Variants in ACTR2 observed in about 807,000 individuals in gnomAD.
ACTR2 encodes actin-related protein 2.
A neutral mutation model predicts 50.2 loss-of-function variants in ACTR2; 5 were observed. The ratio of observed to expected loss-of-function variants is 0.10; its 90% CI spans 0.05 to 0.21. The LOEUF is 0.21. Among genes scored for constraint, ACTR2 ranks in the 10% least tolerant of loss-of-function variants. ACTR2 has a pLI of 1.00. For missense variants in ACTR2, 180 were observed against 480.6 expected, an observed-to-expected ratio of 0.37 and a Z score of 5.85; for synonymous variants, 140 against 162.9, an observed-to-expected ratio of 0.86 and a Z score of 1.07.
At chr2:65,261,553 G>T (rs149628779) in intron 7 of ACTR2, among the ~76,000 whole-genome samples, 161 bp downstream of exon 7, 255 of 152,296 alleles carry the variant, frequency 1.7e-3, no homozygotes, top group African/African-American at 5.7e-3. Flanking sequence ...GAAAAATGCA[G>T]AAAACTTATC....
intron 1 of ACTR2, among the ~76,000 whole-genome samples, chr2:65,237,088 C>T (rs1671753581): frequency 6.6e-6 from 1 of 152,142 alleles, no homozygotes; most frequent in Non-Finnish European, 1.5e-5. Context: ...GTGCCAGACG[C>T]TGTTCTAGGC....
intron 6 of ACTR2, among the ~76,000 whole-genome samples, chr2:65,259,388 C>T (rs1352443736): frequency 6.6e-6 from 1 of 151,982 alleles, no homozygotes; most frequent in Non-Finnish European, 1.5e-5. Flanking sequence ...CACCACTGCC[C>T]TCTAGCCTGG....
At chr2:65,230,015 G>A (rs1341492763) in intron 1 of ACTR2, among the ~76,000 whole-genome samples, 2 of 152,094 alleles carry the variant, frequency 1.3e-5, no homozygotes, top group Non-Finnish European at 1.5e-5. Context: ...AGGGAGTGAG[G>A]GAAGATGGAG....
At chr2:65,256,961 T>C (rs1395027247) in intron 6 of ACTR2, among the ~76,000 whole-genome samples, 1 of 152,144 alleles carries the variant, frequency 6.6e-6, no homozygotes, top group Non-Finnish European at 1.5e-5. Context: ...TATTTTTTAT[T>C]ATACTTTAAG....
At chr2:65,238,929 C>T (rs1671790367) in intron 1 of ACTR2, among the ~76,000 whole-genome samples, 1 of 151,948 alleles carries the variant, frequency 6.6e-6, no homozygotes, top group Non-Finnish European at 1.5e-5. Flanking sequence ...GATCACGCCA[C>T]TGCACTCCAG....
intron 3 of ACTR2, among the ~76,000 whole-genome samples, chr2:65,246,943 G>A (rs1231887210): frequency 1.3e-5 from 2 of 151,980 alleles, no homozygotes; most frequent in African/African-American, 4.8e-5. Context: ...GCCATGGAGT[G>A]TATATATTCT....
rs367838759 is a variant in ACTR2, at chr2:65,247,311, G to A, written c.375+572G>A. On this transcript the variant is annotated intron_variant, in intron 3 of 8. Transcript: ENST00000260641. ...AAATACTGTTAAGAAAATCATGGCC[G>A]GGCGCGGTGGCTCACGCCTGTAATC... 2.1e-3 allele frequency among the ~76,000 whole-genome samples: 321 copies of A among 152,176 alleles called. 3 individuals carry two copies. The highest frequency in any genetic ancestry group is 7.5e-3 in the African/African-American group (310 of 41,524).
intron 6 of ACTR2, among the ~76,000 whole-genome samples, chr2:65,256,418 C>G (rs1171792225): frequency 6.6e-6 from 1 of 152,024 alleles, no homozygotes; most frequent in Non-Finnish European, 1.5e-5. Flanking sequence ...TTAAATTTGT[C>G]TGAGTATAAA....
chr2:65,261,232 A>G lies in ACTR2; in HGVS notation c.736-15A>G. 3 of 1,613,844 alleles carry G rather than the reference A, an allele frequency of 1.9e-6. No homozygotes were observed. The highest frequency in any genetic ancestry group is 1.7e-6 in the Non-Finnish European group (2 of 1,179,920). Reference sequence around the variant, plus strand: ...ATCTTTTGCTGATTAGTACCTGATTATTCTTGGTTTCTAGCTCCCAGATGG... The same window carrying G: ...ATCTTTTGCTGATTAGTACCTGATTGTTCTTGGTTTCTAGCTCCCAGATGG... On this transcript the variant is annotated splice_polypyrimidine_tract_variant and intron_variant, in intron 6 of 8. Coordinates refer to ENST00000260641, the MANE Select transcript of ACTR2 (RefSeq NM_005722.4).
chr2:65,238,215 T>C (rs1671774728), intron 1 of ACTR2, among the ~76,000 whole-genome samples: 1 of 152,126 alleles, frequency 6.6e-6, no homozygotes. Context: ...AGCTCTTGAT[T>C]CTCTCAAGTT....
rs142163020 is a variant in ACTR2, at chr2:65,262,450, A to G, written c.881+1058A>G. Reference sequence around the variant, plus strand: ...GAGATGGGGTTTTGCCGTATTGACCAGGCTGGTCTCGAACTCCTGGCCTCA... The same window carrying G: ...GAGATGGGGTTTTGCCGTATTGACCGGGCTGGTCTCGAACTCCTGGCCTCA... On this transcript the variant is annotated intron_variant, in intron 7 of 8. Coordinates refer to ENST00000260641, the MANE Select transcript of ACTR2 (RefSeq NM_005722.4). 4.3e-3 allele frequency among the ~76,000 whole-genome samples: 645 copies of G among 149,054 alleles called. 5 individuals are homozygous for G. The highest frequency in any genetic ancestry group is 0.015 in the African/African-American group (619 of 40,304).
intron 6 of ACTR2, among the ~76,000 whole-genome samples, chr2:65,258,860 G>A (rs2104014204): frequency 6.6e-6 from 1 of 152,282 alleles, no homozygotes; most frequent in South Asian, 2.1e-4. Context: ...AGGAGGTTTT[G>A]CTAATAAGAT....
At chr2:65,252,560 G>A (rs1036624165) in intron 4 of ACTR2, among the ~76,000 whole-genome samples, 3 of 151,904 alleles carry the variant, frequency 2.0e-5, no homozygotes, top group Middle Eastern at 3.2e-3. Flanking sequence ...CGGGAGAATC[G>A]CTTGAACCCA....
chr2:65,232,997 GTT>G (rs35572490), intron 1 of ACTR2, among the ~76,000 whole-genome samples: 3 of 140,892 alleles, frequency 2.1e-5, no homozygotes, highest in Non-Finnish European at 1.5e-5. Flanking sequence ...TCATGGTTTA[GTT>G]TTTTTTTTTT....
In ACTR2 at chr2:65,237,641, A is replaced by G. The variant is rs1356452301; in HGVS notation, c.49-2211A>G. Among the ~76,000 whole-genome samples the G allele has an allele frequency of 1.3e-5, 2 of 152,182 alleles. 1 individual carries two copies. The highest frequency in any genetic ancestry group is 2.9e-5 in the Non-Finnish European group (2 of 68,036). ...TGAGACAGGAGGATCATTGGAGGCC[A>G]GGAGTTCCAGACCAGCCCGTGCAAC... On this transcript the variant is annotated intron_variant, in intron 1 of 8. Coordinates refer to ENST00000260641, the MANE Select transcript of ACTR2 (RefSeq NM_005722.4).
Position 65,268,550 on chromosome 2 carries a change from T to C in ACTR2, c.1015-14T>C. On this transcript the variant is annotated splice_polypyrimidine_tract_variant and intron_variant, in intron 8 of 8. Coordinates refer to ENST00000260641, the MANE Select transcript of ACTR2 (RefSeq NM_005722.4). ...GCACATGTACCATTTCATTATCCTT[T>C]CTTTCTCCTTTAGAAATTTAAGATC... 1.2e-6 allele frequency: 2 copies of C among 1,607,606 alleles called. No homozygotes were observed. The highest frequency in any genetic ancestry group is 1.7e-6 in the Non-Finnish European group (2 of 1,177,710).
intron 3 of ACTR2, 57 bp downstream of exon 3, chr2:65,246,796 AAAATTTTC>A (rs58944514): frequency 0.53 from 678,313 of 1,268,182 alleles, 185,174 homozygotes; most frequent in East Asian, 0.8. Context: ...TGTTAAATCA[AAAATTTTC>A]TTACTGTTGC....
chr2:65,255,434 C>A, intron 5 of ACTR2, 111 bp from the exon 6 acceptor site: 1 of 878,126 alleles, frequency 1.1e-6, no homozygotes, highest in Non-Finnish European at 1.7e-6. Flanking sequence ...TGAGGATCCA[C>A]TGCCCATTCT....
intron 1 of ACTR2, among the ~76,000 whole-genome samples, chr2:65,231,386 A>T (rs1225047383): frequency 2.0e-5 from 3 of 152,256 alleles, no homozygotes; most frequent in African/African-American, 7.2e-5. Flanking sequence ...TGTAGACATG[A>T]ATAATCATCT....
Sources: allele counts gnomAD v4.1 joint callset (sites outside exome capture counted in the v4.1 genomes callset), GRCh38; gene constraint gnomAD v4.1.1; transcripts MANE v1.5; gene names NCBI Gene and HGNC (gene_info 2026-07-23, HGNC 2026-07-21).